LOC128125817: variants seen among roughly 807,000 people sequenced by gnomAD.
chr1:41,601,579 T>C, the LOC128125817 span, among the ~76,000 whole-genome samples: 2 of 152,320 alleles, frequency 1.3e-5, no homozygotes, highest in African/African-American at 4.8e-5. Context: ...ATGCCACTGA[T>C]TTTTGTAAAT....
the LOC128125817 span, among the ~76,000 whole-genome samples, chr1:41,628,554 G>A: frequency 1.3e-5 from 2 of 152,192 alleles, no homozygotes; most frequent in Non-Finnish European, 2.9e-5. Flanking sequence ...CCAGTTGCTG[G>A]CACTCAAGGT....
At chr1:41,604,940 CA>C in the LOC128125817 span, among the ~76,000 whole-genome samples, 9 of 151,384 alleles carry the variant, frequency 5.9e-5, no homozygotes, top group African/African-American at 2.2e-4. Context: ...CTCATCTCTA[CA>C]AAAAATAAAT....
chr1:41,599,896 A>T, the LOC128125817 span, among the ~76,000 whole-genome samples: 3 of 152,234 alleles, frequency 2.0e-5, no homozygotes, highest in Non-Finnish European at 4.4e-5. Flanking sequence ...TTTTTAAAAA[A>T]ATGAGCAAAG....
At chr1:41,589,284 C>T in the LOC128125817 span, among the ~76,000 whole-genome samples, 1 of 152,202 alleles carries the variant, frequency 6.6e-6, no homozygotes, top group Non-Finnish European at 1.5e-5. Flanking sequence ...CCAGTGAGAG[C>T]TCTCGCTCAG....
At chr1:41,623,576 C>A in the LOC128125817 span, among the ~76,000 whole-genome samples, 1 of 152,208 alleles carries the variant, frequency 6.6e-6, no homozygotes, top group Non-Finnish European at 1.5e-5. Flanking sequence ...CCAAAAACCA[C>A]CAGGCCTGGC....
At chr1:41,610,936 C>T in the LOC128125817 span, among the ~76,000 whole-genome samples, 65,962 of 151,948 alleles carry the variant, frequency 0.43, 14,925 homozygotes, top group Non-Finnish European at 0.51. Context: ...CTGAACAAGA[C>T]GATGTTGTCA....
chr1:41,616,401 G>C, the LOC128125817 span, among the ~76,000 whole-genome samples: 2 of 152,152 alleles, frequency 1.3e-5, no homozygotes, highest in Non-Finnish European at 2.9e-5. Flanking sequence ...TTCAGTTAAA[G>C]GCAGGGTAGG....
the LOC128125817 span, chr1:41,585,337 C>T: frequency 2.5e-6 from 1 of 398,996 alleles, no homozygotes; most frequent in Non-Finnish European, 4.4e-6. Context: ...TAGATGTACA[C>T]ACACACAGAA....
chr1:41,627,975 A>G, the LOC128125817 span, among the ~76,000 whole-genome samples: 8 of 151,950 alleles, frequency 5.3e-5, no homozygotes, highest in Non-Finnish European at 1.2e-4. Flanking sequence ...TCCACACCAG[A>G]GAAAACATCC....
chr1:41,620,740 T>C, the LOC128125817 span, among the ~76,000 whole-genome samples: 1 of 152,138 alleles, frequency 6.6e-6, no homozygotes, highest in Non-Finnish European at 1.5e-5. Flanking sequence ...TAGTGCTACC[T>C]CTAAACTCCA....
At chr1:41,602,989 G>A in the LOC128125817 span, among the ~76,000 whole-genome samples, 1 of 152,018 alleles carries the variant, frequency 6.6e-6, no homozygotes, top group Admixed American at 6.6e-5. Flanking sequence ...TGTTTACAGT[G>A]TGTCATTTAA....
the LOC128125817 span, among the ~76,000 whole-genome samples, chr1:41,608,917 CAAAAAA>C: frequency 2.4e-5 from 3 of 123,548 alleles, no homozygotes; most frequent in Non-Finnish European, 5.3e-5. Flanking sequence ...CTAAAAATAC[CAAAAAA>C]AAAAAAAAAA....
At chr1:41,593,306 T>C in the LOC128125817 span, among the ~76,000 whole-genome samples, 1 of 152,210 alleles carries the variant, frequency 6.6e-6, no homozygotes, top group Non-Finnish European at 1.5e-5. Context: ...TATATTGATC[T>C]GCGACTTGTT....
the LOC128125817 span, among the ~76,000 whole-genome samples, chr1:41,600,821 A>C: frequency 6.6e-6 from 1 of 152,100 alleles, no homozygotes; most frequent in East Asian, 1.9e-4. Flanking sequence ...TTATGTCATA[A>C]AGTTTTCTCC....
At chr1:41,585,884 C>T in the LOC128125817 span, among the ~76,000 whole-genome samples, 1 of 152,088 alleles carries the variant, frequency 6.6e-6, no homozygotes, top group East Asian at 1.9e-4. Context: ...GTAGATTATT[C>T]TCAGGTTAGT....
At chr1:41,606,291 A>G in the LOC128125817 span, among the ~76,000 whole-genome samples, 1 of 151,966 alleles carries the variant, frequency 6.6e-6, no homozygotes, top group African/African-American at 2.4e-5. Flanking sequence ...GACAGTGTCT[A>G]TTCACTTCCT....
At chr1:41,601,049 T>C in the LOC128125817 span, among the ~76,000 whole-genome samples, 2 of 152,312 alleles carry the variant, frequency 1.3e-5, no homozygotes, top group Non-Finnish European at 1.5e-5. Flanking sequence ...GCACCCGTGT[T>C]GAAGATCAGT....
chr1:41,607,529 A>G, the LOC128125817 span, among the ~76,000 whole-genome samples: 1 of 144,458 alleles, frequency 6.9e-6, no homozygotes, highest in Non-Finnish European at 1.5e-5. Context: ...TGTTAAGGAT[A>G]CTACTGATAA....
chr1:41,626,258 C>T, the LOC128125817 span, among the ~76,000 whole-genome samples: 2 of 152,252 alleles, frequency 1.3e-5, no homozygotes, highest in African/African-American at 4.8e-5. Context: ...CCAGCTCCTC[C>T]CTGGTGGCTG....
Sources: allele counts gnomAD v4.1 joint callset (sites outside exome capture counted in the v4.1 genomes callset), GRCh38; gene constraint gnomAD v4.1.1; transcripts MANE v1.5.